CTNNA3: variants seen among roughly 807,000 people sequenced by gnomAD.
The protein encoded by CTNNA3 is catenin alpha-3.
In CTNNA3, 76 loss-of-function variants were observed where a neutral mutation model predicts 95.7. That is an observed-to-expected ratio of 0.79 (90% CI 0.66 to 0.96). The LOEUF (loss-of-function observed/expected upper bound fraction) is 0.96. CTNNA3 is among the 40% of genes least tolerant of loss of function. The probability of loss-of-function intolerance (pLI) is 0.00; values close to 1 mark genes in which losing one functional copy is unlikely to be tolerated. For missense variants in CTNNA3, 1,191 were observed against 1,089.8 expected (o/e 1.09, Z -1.31); for synonymous variants, 431 against 374.4 (o/e 1.15, Z -1.74).
intron 8 of CTNNA3, among the ~76,000 whole-genome samples, chr10:66,772,556 G>A (rs777144669): frequency 4.6e-5 from 7 of 152,062 alleles, no homozygotes; most frequent in Admixed American, 6.6e-5. Flanking sequence ...TTAAGTCAGG[G>A]CCAAATCACA....
chr10:66,132,833 G>A (rs1206559227), intron 13 of CTNNA3, among the ~76,000 whole-genome samples: 2 of 152,078 alleles, frequency 1.3e-5, no homozygotes, highest in East Asian at 1.9e-4. Flanking sequence ...TCACTTATAG[G>A]TGGGAGCTAA....
At chr10:66,313,267 A>G (rs2092049298) in intron 12 of CTNNA3, among the ~76,000 whole-genome samples, 1 of 152,174 alleles carries the variant, frequency 6.6e-6, no homozygotes, top group Non-Finnish European at 1.5e-5. Context: ...GATAGCTAGT[A>G]AGTGATCAGT....
chr10:66,345,533 GTTTTA>G (rs1295478625), intron 12 of CTNNA3, among the ~76,000 whole-genome samples: 2 of 151,850 alleles, frequency 1.3e-5, no homozygotes, highest in African/African-American at 4.8e-5. Flanking sequence ...TAGATAGAGG[GTTTTA>G]TTTTTTTTCT....
chr10:67,276,938 G>A (rs1270702972), intron 5 of CTNNA3, among the ~76,000 whole-genome samples: 1 of 151,826 alleles, frequency 6.6e-6, no homozygotes, highest in Non-Finnish European at 1.5e-5. Flanking sequence ...TATAACATAT[G>A]TTCATCTTGA....
intron 5 of CTNNA3, among the ~76,000 whole-genome samples, chr10:67,514,914 T>C (rs1839764986): frequency 6.6e-6 from 1 of 152,162 alleles, no homozygotes; most frequent in Non-Finnish European, 1.5e-5. Context: ...GAAAATCAGC[T>C]AACGCTTGAC....
At chr10:65,996,949 C>G (rs2078675496) in intron 15 of CTNNA3, among the ~76,000 whole-genome samples, 1 of 152,136 alleles carries the variant, frequency 6.6e-6, no homozygotes, top group Admixed American at 6.5e-5. Flanking sequence ...CTGAATGCCT[C>G]TAGTCAGCCA....
chr10:67,003,161 A>G (rs1422013243), intron 7 of CTNNA3, among the ~76,000 whole-genome samples: 1 of 152,152 alleles, frequency 6.6e-6, no homozygotes, highest in Non-Finnish European at 1.5e-5. Flanking sequence ...TTCATTCCTT[A>G]CCAGGATGCC....
At chr10:66,367,867 TAATAATA>T (rs1564903030) in intron 12 of CTNNA3, among the ~76,000 whole-genome samples, 7 of 54,502 alleles carry the variant, frequency 1.3e-4, no homozygotes, top group Non-Finnish European at 3.9e-5. Context: ...ATAATAATAA[TAATAATA>T]ATAATAATTA....
chr10:67,629,245 A>C (rs183230265), intron 2 of CTNNA3, among the ~76,000 whole-genome samples: 5 of 152,186 alleles, frequency 3.3e-5, no homozygotes, highest in African/African-American at 1.2e-4. Context: ...TCTCCTATTA[A>C]TCTGCCTTTT....
At chr10:66,336,327 C>T (rs531243223) in intron 12 of CTNNA3, among the ~76,000 whole-genome samples, 164 of 152,192 alleles carry the variant, frequency 1.1e-3, no homozygotes, top group African/African-American at 3.9e-3. Context: ...ATCACCCATG[C>T]TGGGAGCTGT....
At chr10:66,554,239 TG>T (rs1402006171) in intron 10 of CTNNA3, among the ~76,000 whole-genome samples, 1 of 152,190 alleles carries the variant, frequency 6.6e-6, no homozygotes, top group African/African-American at 2.4e-5. Flanking sequence ...CCATTGTTTT[TG>T]TTAATAAGTA....
At chr10:67,494,776 C>T (rs1006004850) in intron 5 of CTNNA3, among the ~76,000 whole-genome samples, 1 of 152,208 alleles carries the variant, frequency 6.6e-6, no homozygotes, top group Non-Finnish European at 1.5e-5. Flanking sequence ...CTGAGAATTA[C>T]TTCTTCTATG....
At chr10:66,461,488 C>T (rs2093528793) in intron 11 of CTNNA3, among the ~76,000 whole-genome samples, 1 of 151,916 alleles carries the variant, frequency 6.6e-6, no homozygotes, top group African/African-American at 2.4e-5. Flanking sequence ...ACGAAATTAA[C>T]AACTGATGAG....
chr10:66,946,301 G>A (rs1422812000), intron 7 of CTNNA3, among the ~76,000 whole-genome samples: 1 of 152,176 alleles, frequency 6.6e-6, no homozygotes, highest in Non-Finnish European at 1.5e-5. Context: ...TGACCTGCAT[G>A]CTGGAAAGTT....
At chr10:66,442,350 A>G (rs2093380961) in intron 11 of CTNNA3, among the ~76,000 whole-genome samples, 2 of 126,114 alleles carry the variant, frequency 1.6e-5, no homozygotes, top group South Asian at 5.6e-4. Flanking sequence ...AATATGGATT[A>G]GGTTTTTTTT....
At chr10:66,778,381 C>T (rs978794637) in intron 7 of CTNNA3, among the ~76,000 whole-genome samples, 2 of 152,174 alleles carry the variant, frequency 1.3e-5, no homozygotes, top group Admixed American at 6.5e-5. Flanking sequence ...TCAATGAGCT[C>T]GGACTAAAGG....
intron 14 of CTNNA3, among the ~76,000 whole-genome samples, chr10:66,069,978 T>A (rs993559855): frequency 6.6e-6 from 1 of 152,134 alleles, no homozygotes. Context: ...ACAATGATGC[T>A]TTTAGTTTGA....
At chr10:67,133,517 G>C (rs1860142903) in intron 7 of CTNNA3, among the ~76,000 whole-genome samples, 1 of 151,448 alleles carries the variant, frequency 6.6e-6, no homozygotes, top group African/African-American at 2.4e-5. Flanking sequence ...AGGAGCAAAG[G>C]AATGGAGGGA....
At chr10:66,522,790 C>G (rs1008586589) in intron 10 of CTNNA3, among the ~76,000 whole-genome samples, 5 of 151,470 alleles carry the variant, frequency 3.3e-5, no homozygotes, top group Admixed American at 6.6e-5. Context: ...CAAGTTAGCA[C>G]AAGTTTATTT....
Sources: allele counts gnomAD v4.1 joint callset (sites outside exome capture counted in the v4.1 genomes callset), GRCh38; gene constraint gnomAD v4.1.1; transcripts MANE v1.5; gene names NCBI Gene and HGNC (gene_info 2026-07-23, HGNC 2026-07-21).